Variants in FCER1A observed in about 807,000 individuals in gnomAD.
FCER1A encodes the protein high affinity immunoglobulin epsilon receptor subunit alpha.
FCER1A carries 24 observed loss-of-function variants against 23.6 expected under a neutral mutation model. The ratio of observed to expected loss-of-function variants is 1.02; its 90% CI spans 0.74 to 1.43. The LOEUF (loss-of-function observed/expected upper bound fraction) is 1.43. Ranked by LOEUF, FCER1A falls within the 40% of genes most tolerant of loss-of-function variation. The pLI, the probability that FCER1A is intolerant of heterozygous loss-of-function variation, is 0.00. For missense variants in FCER1A, 318 were observed against 294.5 expected, an observed-to-expected ratio of 1.08 and a Z score of -0.58; for synonymous variants, 121 against 108.8, an observed-to-expected ratio of 1.11 and a Z score of -0.70.
At chr1:159,307,692 A>C in intron 4 of FCER1A, 56 bp from the exon 5 acceptor site, 8 of 1,372,862 alleles carry the variant, frequency 5.8e-6, no homozygotes, top group Non-Finnish European at 7.1e-6. Flanking sequence ...TCTGAACCTC[A>C]TTTTTCAGTT....
chr1:159,295,774 A>C (rs1258982265), intron 1 of FCER1A, among the ~76,000 whole-genome samples: 1 of 152,134 alleles, frequency 6.6e-6, no homozygotes, highest in Non-Finnish European at 1.5e-5. Flanking sequence ...TTCAGAATTT[A>C]GCAGTGGTTT....
chr1:159,286,404 C>A (rs1397003330), upstream of FCER1A, among the ~76,000 whole-genome samples: 1 of 151,698 alleles, frequency 6.6e-6, no homozygotes, highest in Admixed American at 6.6e-5. Context: ...GCAGTCTCGG[C>A]TCACTGCAAG....
chr1:159,303,568 T>A (rs539849610), intron 2 of FCER1A, among the ~76,000 whole-genome samples: 2 of 152,338 alleles, frequency 1.3e-5, no homozygotes, highest in South Asian at 4.1e-4. Context: ...GTAACAATGG[T>A]TGAACATGGC....
chr1:159,305,080 G>C (rs1370966703), intron 3 of FCER1A, among the ~76,000 whole-genome samples: 1 of 152,092 alleles, frequency 6.6e-6, no homozygotes, highest in East Asian at 1.9e-4. Flanking sequence ...TTTGAATAGT[G>C]ACCAATAGGT....
At chr1:159,287,705 TATAA>T (rs1044943559), upstream of FCER1A, among the ~76,000 whole-genome samples, 183 of 148,236 alleles carry the variant, frequency 1.2e-3, 1 homozygote, top group Non-Finnish European at 2.2e-3. Context: ...GTATATTATA[TATAA>T]ATATATAATG....
upstream of FCER1A, among the ~76,000 whole-genome samples, chr1:159,301,726 C>A (rs1263653839): frequency 6.6e-6 from 1 of 152,158 alleles, no homozygotes; most frequent in Non-Finnish European, 1.5e-5. Context: ...AAGAATTTGG[C>A]AGTTGCTAGC....
intron 1 of FCER1A, among the ~76,000 whole-genome samples, chr1:159,296,160 C>T (rs980589970): frequency 6.6e-6 from 1 of 152,024 alleles, no homozygotes; most frequent in Non-Finnish European, 1.5e-5. Flanking sequence ...CTTTCTTGTC[C>T]TAAATAGTAA....
chr1:159,303,413 A>G (rs928003892), intron 2 of FCER1A, among the ~76,000 whole-genome samples: 1 of 152,056 alleles, frequency 6.6e-6, no homozygotes, highest in Non-Finnish European at 1.5e-5. Flanking sequence ...TACTTTCTGG[A>G]ACTGACATAT....
At position 159,306,220 on chromosome 1, in the gene FCER1A, GC is replaced by G; in HGVS notation, c.568del (p.Leu190SerfsTer5). On this transcript the variant is annotated frameshift_variant, in exon 4 of 5. Coordinates refer to ENST00000693622, the MANE Select transcript of FCER1A (RefSeq NM_001387280.1). LOFTEE classifies it low-confidence loss of function (END_TRUNC). Reference sequence around the variant, plus strand: ...TGTGGCAGCTGGACTATGAGTCTGAGCCCCTCAACATTACTGTAATAAAAGG... The same window carrying G: ...TGTGGCAGCTGGACTATGAGTCTGAGCCCTCAACATTACTGTAATAAAAGG... Reference protein sequence around the residue: ...KVWQLDYESEPLNITVIKAPR... With the variant: ...KVWQLDYESEXLNITVIKAPR... 1 of 1,613,996 alleles carries G rather than the reference GC, an allele frequency of 6.2e-7. No homozygotes were observed. Among genetic ancestry groups the G allele is most frequent in the Non-Finnish European group, 8.5e-7 (1 of 1,179,988 alleles).
intron 3 of FCER1A, 21 bp from the exon 4 acceptor site, chr1:159,305,967 A>C (rs1401417421): frequency 1.9e-6 from 3 of 1,606,706 alleles, no homozygotes. Flanking sequence ...TTAAATAAAT[A>C]ATGTAATGAA....
the FCER1A span, among the ~76,000 whole-genome samples, chr1:159,284,538 C>T: frequency 6.6e-6 from 1 of 152,282 alleles, no homozygotes; most frequent in East Asian, 1.9e-4. Flanking sequence ...CTGAGTTGGC[C>T]CTGTTTTCTC....
At chr1:159,304,353 G>A (rs1652534454) in intron 3 of FCER1A, among the ~76,000 whole-genome samples, 171 bp downstream of exon 3, 1 of 152,112 alleles carries the variant, frequency 6.6e-6, no homozygotes, top group South Asian at 2.1e-4. Flanking sequence ...TGTAATCCCA[G>A]CACTTTGGGA....
Position 159,303,946 on chromosome 1 carries a change from TCTC to T in FCER1A, c.98_100del (p.Ser33del), listed in dbSNP as rs781260058. 26 of 1,612,138 alleles carry T rather than the reference TCTC, an allele frequency of 1.6e-5. No homozygotes were observed. The South Asian group carries it at 2.7e-4, about 17-fold the overall frequency. On this transcript the variant is annotated inframe_deletion, in exon 3 of 5. Transcript: ENST00000693622. ...CTTGAAGTCCCTCAGAAACCTAAGG[TCTC>T]CTTGAACCCTCCATGGAATAGAATA...
chr1:159,295,402 T>A (rs1652272189), intron 1 of FCER1A, among the ~76,000 whole-genome samples: 1 of 152,210 alleles, frequency 6.6e-6, no homozygotes, highest in Non-Finnish European at 1.5e-5. Context: ...GAAATAAAGA[T>A]GCAATTTTTG....
chr1:159,296,129 T>G (rs894431615), intron 1 of FCER1A, among the ~76,000 whole-genome samples: 8 of 152,276 alleles, frequency 5.3e-5, no homozygotes, highest in Admixed American at 2.6e-4. Flanking sequence ...AGCTGGTATA[T>G]TTTTAACCTT....
intron 1 of FCER1A, among the ~76,000 whole-genome samples, chr1:159,291,784 A>G (rs1425076214): frequency 6.6e-6 from 1 of 152,116 alleles, no homozygotes; most frequent in Non-Finnish European, 1.5e-5. Flanking sequence ...CATGTTGCCT[A>G]TGCTTCCTCA....
At chr1:159,303,249 A>T (rs1370817997) in intron 2 of FCER1A, among the ~76,000 whole-genome samples, 2 of 152,132 alleles carry the variant, frequency 1.3e-5, no homozygotes, top group South Asian at 4.1e-4. Context: ...CTGGATTTCA[A>T]CGTAAGTTCC....
At chr1:159,302,790 T>C in intron 1 of FCER1A, 64 bp from the exon 2 acceptor site, 1 of 1,446,390 alleles carries the variant, frequency 6.9e-7, no homozygotes, top group Non-Finnish European at 9.7e-7. Flanking sequence ...CACACCCAGA[T>C]TCTAGTCCTC....
intron 1 of FCER1A, among the ~76,000 whole-genome samples, chr1:159,295,870 GA>G: frequency 6.6e-6 from 1 of 152,124 alleles, no homozygotes; most frequent in Non-Finnish European, 1.5e-5. Context: ...CAAATAGTGA[GA>G]ATATTGCTGT....
Sources: gnomAD v4.1 joint callset for allele counts (sites outside exome capture counted in the v4.1 genomes callset) on GRCh38, gnomAD v4.1.1 for gene constraint, MANE v1.5 for transcripts, NCBI Gene and HGNC (gene_info 2026-07-23, HGNC 2026-07-21) for gene names.